The following HMBOX1 variants were observed in gnomAD, a reference collection of about 807,000 sequenced individuals.
HMBOX1 encodes the protein homeobox containing 1.
A neutral mutation model predicts 54.5 loss-of-function variants in HMBOX1; 14 were observed. That is an observed-to-expected ratio of 0.26 (90% CI 0.17 to 0.40). The LOEUF (loss-of-function observed/expected upper bound fraction) is 0.40. HMBOX1 is among the 10% of genes least tolerant of loss of function. The pLI, the probability that HMBOX1 is intolerant of heterozygous loss-of-function variation, is 1.00. For synonymous variants in HMBOX1, 160 were observed against 181.0 expected (o/e 0.88, Z 0.93); for missense variants, 332 against 514.4 (o/e 0.65, Z 3.43).
chr8:28,918,791 A>G (rs911912072), intron 1 of HMBOX1, among the ~76,000 whole-genome samples: 2 of 152,226 alleles, frequency 1.3e-5, no homozygotes, highest in African/African-American at 4.8e-5. Context: ...GTCATCAATA[A>G]CATAGTCATT....
chr8:28,991,710 T>C (rs1222623324), intron 4 of HMBOX1, among the ~76,000 whole-genome samples: 1 of 152,208 alleles, frequency 6.6e-6, no homozygotes, highest in Non-Finnish European at 1.5e-5. Flanking sequence ...TTAAACATAT[T>C]GTCTTTTGCT....
intron 7 of HMBOX1, among the ~76,000 whole-genome samples, chr8:29,046,661 TC>T (rs1805602505): frequency 1.3e-5 from 2 of 152,194 alleles, no homozygotes; most frequent in Non-Finnish European, 2.9e-5. Context: ...TAAGTAAATT[TC>T]TGTTGTCTGG....
chr8:29,022,782 G>C (rs1244052251), intron 6 of HMBOX1, among the ~76,000 whole-genome samples: 1 of 147,586 alleles, frequency 6.8e-6, no homozygotes, highest in Admixed American at 6.9e-5. Context: ...ACTTAGAAGA[G>C]AGGTAGAAGC....
At chr8:29,008,636 G>A (rs1022360746) in intron 4 of HMBOX1, among the ~76,000 whole-genome samples, 7 of 152,080 alleles carry the variant, frequency 4.6e-5, no homozygotes, top group African/African-American at 1.4e-4. Context: ...GTCAGTATCC[G>A]TAATGAGTAA....
intron 3 of HMBOX1, among the ~76,000 whole-genome samples, chr8:28,975,513 A>G (rs1247638949): frequency 7.2e-5 from 11 of 152,196 alleles, no homozygotes; most frequent in Non-Finnish European, 1.5e-4. Flanking sequence ...AATAATGGCA[A>G]TGGAGGGTGG....
intron 7 of HMBOX1, 26 bp downstream of exon 7, chr8:29,045,469 C>G (rs1005897818): frequency 6.3e-7 from 1 of 1,577,552 alleles, no homozygotes; most frequent in African/African-American, 1.3e-5. Flanking sequence ...CAGCCTTGCT[C>G]TGCGGTGCAG....
chr8:28,994,378 A>G (rs1021746226), intron 4 of HMBOX1, among the ~76,000 whole-genome samples: 1 of 152,186 alleles, frequency 6.6e-6, no homozygotes, highest in Non-Finnish European at 1.5e-5. Flanking sequence ...TTAAATCTGT[A>G]AGGAAATAAT....
At chr8:29,045,764 T>A (rs1302946140) in intron 7 of HMBOX1, among the ~76,000 whole-genome samples, 2 of 152,270 alleles carry the variant, frequency 1.3e-5, no homozygotes, top group African/African-American at 4.8e-5. Flanking sequence ...TATGAAATAA[T>A]GTTAAAGTTT....
intron 4 of HMBOX1, among the ~76,000 whole-genome samples, chr8:29,007,246 G>A (rs1249450275): frequency 1.3e-5 from 2 of 151,720 alleles, no homozygotes; most frequent in African/African-American, 2.4e-5. Flanking sequence ...CCGAGATCAC[G>A]CCACTGCACT....
chr8:28,929,210 G>T (rs1208144105), intron 1 of HMBOX1, among the ~76,000 whole-genome samples: 1 of 152,162 alleles, frequency 6.6e-6, no homozygotes, highest in Admixed American at 6.5e-5. Context: ...GTGGGATGGG[G>T]TCAGATTACC....
chr8:28,970,244 T>A lies in HMBOX1; in HGVS notation c.225T>A (p.Ser75Arg), dbSNP rs1249311784. 6.2e-7 allele frequency: 1 copy of A among 1,614,170 alleles called. No homozygotes were observed. Among genetic ancestry groups the A allele is most frequent in the African/African-American group, 1.3e-5 (1 of 75,046 alleles). ...SSYGGSSYGNSTNNVPASSST... is the reference protein window; with the variant it reads ...SSYGGSSYGNRTNNVPASSST... ...ATGGAGGAAGTTCATATGGGAATAGTACTAACAATGTCCCAGCATCTTCCT... is the reference window on the plus strand; with the variant it reads ...ATGGAGGAAGTTCATATGGGAATAGAACTAACAATGTCCCAGCATCTTCCT... The change falls in exon 3 of 10, where the codon AGT becomes AGA. Residue 75 changes from serine to arginine, a missense_variant. Around this residue, in one of 4 missense-constraint regions of HMBOX1, gnomAD observed 146 missense variants for 173.3 expected, o/e 0.84. Transcript: ENST00000287701. The surrounding 1 kb of genome is among the most constrained non-coding windows in gnomAD (Gnocchi z 4.3).
intron 1 of HMBOX1, among the ~76,000 whole-genome samples, chr8:28,929,502 A>G (rs1819103890): frequency 6.6e-6 from 1 of 152,214 alleles, no homozygotes; most frequent in African/African-American, 2.4e-5. Context: ...TGTTAAATTG[A>G]CAGGACTTTG....
intron 4 of HMBOX1, among the ~76,000 whole-genome samples, chr8:28,985,285 G>A (rs1032598602): frequency 2.6e-5 from 4 of 152,200 alleles, no homozygotes; most frequent in African/African-American, 4.8e-5. Context: ...GTGTTCTCAC[G>A]TAGTGGCAGG....
chr8:28,890,172 T>C (rs892065039), upstream of HMBOX1: 6 of 434,096 alleles, frequency 1.4e-5, no homozygotes, highest in South Asian at 2.2e-5. Flanking sequence ...CATGATATCA[T>C]GTCTTCCTTA....
At chr8:28,904,380 G>A (rs114961982) in intron 1 of HMBOX1, among the ~76,000 whole-genome samples, 2,917 of 151,100 alleles carry the variant, frequency 0.019, 89 homozygotes, top group African/African-American at 0.068. Flanking sequence ...CCACAGGTGT[G>A]CGCCACCATG....
At chr8:29,019,721 A>G (rs1800876336) in intron 6 of HMBOX1, among the ~76,000 whole-genome samples, 1 of 152,226 alleles carries the variant, frequency 6.6e-6, no homozygotes, top group Non-Finnish European at 1.5e-5. Flanking sequence ...TTTAGGTCAC[A>G]AACTCTCAGC....
At chr8:28,996,845 A>G (rs986312944) in intron 4 of HMBOX1, among the ~76,000 whole-genome samples, 2 of 152,126 alleles carry the variant, frequency 1.3e-5, no homozygotes, top group African/African-American at 4.8e-5. Flanking sequence ...CATGTATTTT[A>G]TTCTTTTTGA....
rs73243119 is a variant in HMBOX1 at position 29,047,259 on chromosome 8, G to A, written c.935-99G>A. 6,682 of 737,968 alleles carry A rather than the reference G, an allele frequency of 9.1e-3. 53 individuals carry two copies. The highest frequency in any genetic ancestry group is 0.012 in the Middle Eastern group (41 of 3,538). The allele number at this position is 737,968 out of a possible 1,614,324, so 45.7% of individuals were successfully genotyped here. On this transcript the variant is annotated intron_variant, in intron 7 of 9. Coordinates refer to ENST00000287701, the MANE Select transcript of HMBOX1 (RefSeq NM_001135726.3). ...TGCATCTGTAGTTTTGGCAATAAAC[G>A]TAATCAAAAGCAACAAAATAAAAAT...
chr8:29,022,055 G>C (rs555032025), intron 6 of HMBOX1, among the ~76,000 whole-genome samples: 1 of 152,276 alleles, frequency 6.6e-6, no homozygotes, highest in South Asian at 2.1e-4. Context: ...CAACTTAATG[G>C]AAGGGAATTC....
Sources: allele counts gnomAD v4.1 joint callset (sites outside exome capture counted in the v4.1 genomes callset), GRCh38; gene constraint gnomAD v4.1.1; regional missense constraint gnomAD v4.1.1; non-coding constraint Gnocchi (gnomAD v3.1); transcripts MANE v1.5; gene names NCBI Gene and HGNC (gene_info 2026-07-23, HGNC 2026-07-21).